The following PMEPA1 variants were observed in gnomAD, a reference collection of about 807,000 sequenced individuals.
PMEPA1 encodes protein TMEPAI.
A neutral mutation model predicts 23.0 loss-of-function variants in PMEPA1; 11 were observed. The ratio of observed to expected loss-of-function variants is 0.48; its 90% CI spans 0.30 to 0.79. PMEPA1 has a LOEUF of 0.79. Ranked by LOEUF, PMEPA1 falls within the 30% of genes least tolerant of loss-of-function variation. The pLI is 0.06. For missense variants in PMEPA1, 377 were observed against 390.9 expected (o/e 0.96, Z 0.30); for synonymous variants, 204 against 166.4 (o/e 1.23, Z -1.74).
chr20:57,681,773 C>T (rs1178589391), intron 1 of PMEPA1, among the ~76,000 whole-genome samples: 2 of 152,140 alleles, frequency 1.3e-5, no homozygotes, highest in Non-Finnish European at 2.9e-5. Flanking sequence ...GTCAGTCCCC[C>T]CTCAAGGTGA....
intron 1 of PMEPA1, among the ~76,000 whole-genome samples, chr20:57,679,591 C>T (rs758319119): frequency 6.6e-6 from 1 of 152,196 alleles, no homozygotes; most frequent in African/African-American, 2.4e-5. Context: ...TACAAGCGCC[C>T]GCTATGGATG....
intron 1 of PMEPA1, among the ~76,000 whole-genome samples, chr20:57,669,438 G>A (rs1294335829): frequency 6.6e-6 from 1 of 152,180 alleles, no homozygotes; most frequent in Non-Finnish European, 1.5e-5. Context: ...TGGGATTACA[G>A]GCGTGAGCCA....
intron 1 of PMEPA1, among the ~76,000 whole-genome samples, chr20:57,674,239 A>C (rs2071606527): frequency 6.6e-6 from 1 of 152,210 alleles, no homozygotes; most frequent in African/African-American, 2.4e-5. Context: ...CCTGATAAGA[A>C]GAGACAGCAT....
At chr20:57,698,528 A>C (rs561379569) in intron 1 of PMEPA1, among the ~76,000 whole-genome samples, 4 of 152,248 alleles carry the variant, frequency 2.6e-5, no homozygotes, top group Non-Finnish European at 5.9e-5. Context: ...ACAAAGTAGA[A>C]AGAAAAGAAC....
chr20:57,673,489 G>A (rs1334108162), intron 1 of PMEPA1, among the ~76,000 whole-genome samples: 2 of 152,184 alleles, frequency 1.3e-5, no homozygotes, highest in African/African-American at 4.8e-5. Flanking sequence ...TCGTCCTGCA[G>A]CCTCCTCAAA....
intron 1 of PMEPA1, among the ~76,000 whole-genome samples, chr20:57,680,499 T>C (rs558181175): frequency 5.7e-4 from 87 of 152,232 alleles, no homozygotes; most frequent in Non-Finnish European, 1.0e-3. Context: ...AAAAGAATTA[T>C]TGAGCCCAAA....
intron 1 of PMEPA1, among the ~76,000 whole-genome samples, chr20:57,664,778 G>A (rs1028828766): frequency 6.6e-6 from 1 of 152,172 alleles, no homozygotes; most frequent in African/African-American, 2.4e-5. Context: ...GGTCCTTTAA[G>A]GCTGGAACCT....
chr20:57,710,288 C>T (rs2072158081), upstream of PMEPA1: 8 of 687,636 alleles, frequency 1.2e-5, no homozygotes, highest in South Asian at 2.8e-5. Flanking sequence ...GAGCCGAACT[C>T]GGTGCCAGCC....
intron 1 of PMEPA1, among the ~76,000 whole-genome samples, chr20:57,703,426 G>A (rs921353807): frequency 6.6e-6 from 1 of 152,236 alleles, no homozygotes; most frequent in Admixed American, 6.5e-5. Flanking sequence ...GCATCTGGAC[G>A]TCAGGGCGGT....
At chr20:57,687,263 G>A (rs1322171509) in intron 1 of PMEPA1, among the ~76,000 whole-genome samples, 3 of 152,172 alleles carry the variant, frequency 2.0e-5, no homozygotes, top group Non-Finnish European at 2.9e-5. Flanking sequence ...TCCTGTGCCT[G>A]GGGCACCTGT....
rs1273093830 is a variant in PMEPA1 at position 57,652,809 on chromosome 20, A to C, written c.319-211T>G. 6.6e-6 allele frequency among the ~76,000 whole-genome samples: 1 copy of C among 152,168 alleles called. No individual in the cohort carries two copies. The highest frequency in any genetic ancestry group is 2.4e-5 in the African/African-American group (1 of 41,444). On this transcript the variant is annotated intron_variant, in intron 3 of 3. Coordinates refer to ENST00000341744, the MANE Select transcript of PMEPA1 (RefSeq NM_020182.5). This position sits in a 1 kb window ranked among gnomAD's most constrained non-coding sequence, Gnocchi z 6.1. ...CTGCAGAGCTGCACCGCCCTCCTCC[A>C]AACAGTGGCAGCGTCCGTGCTCCCG...
intron 1 of PMEPA1, among the ~76,000 whole-genome samples, chr20:57,686,771 C>A (rs997170478): frequency 1.3e-5 from 2 of 152,252 alleles, no homozygotes; most frequent in African/African-American, 2.4e-5. Flanking sequence ...GAGGAGATGA[C>A]AGTGCACACC....
chr20:57,658,361 A>G (rs1052668117), intron 2 of PMEPA1, among the ~76,000 whole-genome samples: 7 of 152,114 alleles, frequency 4.6e-5, no homozygotes, highest in African/African-American at 1.7e-4. Context: ...AGCTCGCCCC[A>G]ACTTCCTGGC....
intron 1 of PMEPA1, among the ~76,000 whole-genome samples, chr20:57,665,166 A>G (rs897651497): frequency 3.3e-5 from 5 of 152,158 alleles, no homozygotes; most frequent in African/African-American, 9.7e-5. Context: ...ATTCTAACAC[A>G]TGACCCGGGG....
At chr20:57,662,702 C>G (rs1372498089) in intron 1 of PMEPA1, among the ~76,000 whole-genome samples, 1 of 152,138 alleles carries the variant, frequency 6.6e-6, no homozygotes, top group Non-Finnish European at 1.5e-5. Context: ...TGTGTAACAC[C>G]CACGCCCCCC....
At chr20:57,660,158 G>C (rs1036110772) in intron 1 of PMEPA1, among the ~76,000 whole-genome samples, 5 of 152,134 alleles carry the variant, frequency 3.3e-5, no homozygotes, top group African/African-American at 1.2e-4. Flanking sequence ...GCCCAGGGAG[G>C]GAGCAGTTGG....
At chr20:57,698,308 C>T (rs1452929115) in intron 1 of PMEPA1, among the ~76,000 whole-genome samples, 3 of 152,188 alleles carry the variant, frequency 2.0e-5, no homozygotes, top group East Asian at 1.9e-4. Flanking sequence ...TCAATACACC[C>T]GCCTCTTTTT....
At position 57,709,543 on chromosome 20, in the gene PMEPA1, C is replaced by T. The variant is rs1343116936; in HGVS notation, c.40G>A (p.Ala14Thr). Residue 14 changes from alanine (A) to threonine (T), a missense_variant, in exon 1 of 4, where the codon GCC (alanine) becomes ACC (threonine). Around this residue, in one of 3 missense-constraint regions of PMEPA1, gnomAD observed 198 missense variants for 196.3 expected, o/e 1.01. Transcript: ENST00000341744. ...LMGVNSTAAA[A>T]AGQPNVSCTC... The stretch of plus-strand genomic sequence containing the variant: ...CAGGAGACATTGGGCTGCCCGGCGG[C>T]GGCGGCGGCGGTGCTGTTGACCCCC... 8.8e-5 allele frequency: 97 copies of T among 1,097,034 alleles called. No individual in the cohort carries two copies. Among genetic ancestry groups the T allele is most frequent in the Non-Finnish European group, 1.1e-4 (94 of 883,514 alleles). 68.0% of individuals were successfully genotyped at this position (1,097,034 alleles called of 1,614,324 possible). A position where few individuals can be genotyped will look rare whatever the true frequency, so the allele number is the denominator to read the frequency against.
Position 57,653,061 on chromosome 20 carries a change from C to G in PMEPA1, c.290G>C (p.Ser97Thr), listed in dbSNP as rs1357016162. ...TGGGATTCCGTTGCCTGACACTGTG[C>G]TCTCCGAGGGCCACAGGCATCCTTC... ...SSEGCLWPSESTVSGNGIPEP... is the reference protein window; with the variant it reads ...SSEGCLWPSETTVSGNGIPEP... Residue 97 changes from serine to threonine, a missense_variant, in exon 3 of 4, where the codon AGC becomes ACC. Ser to Thr is a moderately conservative substitution (Grantham distance 58, BLOSUM62 1). Coordinates refer to ENST00000341744, the MANE Select transcript of PMEPA1 (RefSeq NM_020182.5). 3.1e-6 allele frequency: 5 copies of G among 1,593,564 alleles called. No homozygotes were observed. The highest frequency in any genetic ancestry group is 1.7e-4 in the Middle Eastern group (1 of 6,042).
Sources: gnomAD v4.1 joint callset for allele counts (sites outside exome capture counted in the v4.1 genomes callset) on GRCh38, gnomAD v4.1.1 for gene constraint, gnomAD v4.1.1 regional missense constraint, Gnocchi (gnomAD v3.1) non-coding constraint, MANE v1.5 for transcripts, NCBI Gene and HGNC (gene_info 2026-07-23, HGNC 2026-07-21) for gene names.